The following PALLD variants were observed in gnomAD, a reference collection of about 807,000 sequenced individuals.
PALLD encodes palladin, cytoskeletal associated protein.
Under a neutral mutation model 123.5 loss-of-function variants are expected in PALLD, and 61 were observed. The ratio of observed to expected loss-of-function variants is 0.49; its 90% CI spans 0.40 to 0.61. The LOEUF (loss-of-function observed/expected upper bound fraction) is 0.61. PALLD is among the 20% of genes least tolerant of loss of function. The pLI is 0.00. For synonymous variants in PALLD, 465 were observed against 496.4 expected, an observed-to-expected ratio of 0.94 and a Z score of 0.84; for missense variants, 1,273 against 1,377.0, an observed-to-expected ratio of 0.92 and a Z score of 1.20.
intron 10 of PALLD, among the ~76,000 whole-genome samples, chr4:168,786,791 GA>G (rs1171089415): frequency 2.0e-4 from 31 of 152,068 alleles, no homozygotes; most frequent in Middle Eastern, 3.4e-3. Context: ...CAGCAACAAA[GA>G]AAAAAACTGG....
intron 10 of PALLD, among the ~76,000 whole-genome samples, chr4:168,816,942 C>T (rs908550000): frequency 1.3e-5 from 2 of 150,364 alleles, no homozygotes; most frequent in East Asian, 3.9e-4. Context: ...AATGTTTGAA[C>T]AAGACAAAGA....
chr4:168,896,636 CTCTGTG>C, intron 13 of PALLD, 37 bp downstream of exon 13: 1 of 1,208,510 alleles, frequency 8.3e-7, no homozygotes, highest in Middle Eastern at 1.9e-4. Flanking sequence ...TCCAGTCTTT[CTCTGTG>C]TCTGTTTTCT....
At chr4:168,614,535 T>A (rs1194670907) in intron 2 of PALLD, among the ~76,000 whole-genome samples, 3 of 151,416 alleles carry the variant, frequency 2.0e-5, no homozygotes, top group Non-Finnish European at 4.4e-5. Flanking sequence ...GGACTCTGAT[T>A]AAAAAAAAAT....
intron 10 of PALLD, among the ~76,000 whole-genome samples, chr4:168,802,568 C>T (rs183646865): frequency 7.9e-4 from 120 of 152,224 alleles, no homozygotes; most frequent in Middle Eastern, 3.4e-3. Context: ...ACACTGCAGA[C>T]GACTAGAGTT....
At chr4:168,818,044 T>G (rs186954452) in intron 10 of PALLD, among the ~76,000 whole-genome samples, 152 of 152,324 alleles carry the variant, frequency 1.0e-3, no homozygotes, top group African/African-American at 3.4e-3. Context: ...GATCTTACAA[T>G]GTAGTGTATT....
intron 10 of PALLD, among the ~76,000 whole-genome samples, chr4:168,834,151 GC>G (rs1744765949): frequency 6.6e-6 from 1 of 151,926 alleles, no homozygotes; most frequent in Non-Finnish European, 1.5e-5. Context: ...ACCATCTCTG[GC>G]TATGTGAAAA....
intron 2 of PALLD, among the ~76,000 whole-genome samples, chr4:168,529,829 AAG>A (rs2149478767): frequency 6.6e-6 from 1 of 152,348 alleles, no homozygotes; most frequent in East Asian, 1.9e-4. Context: ...TAAATACTTA[AAG>A]AAGTAATTGT....
chr4:168,769,112 C>CA (rs1469852124), intron 10 of PALLD, among the ~76,000 whole-genome samples: 22 of 152,348 alleles, frequency 1.4e-4, no homozygotes, highest in African/African-American at 5.3e-4. Context: ...CATGAGCCAC[C>CA]ACCCAGCCGG....
intron 10 of PALLD, chr4:168,877,997 TCGGGCCACGGCACGCCGGCCTCCAG>T: frequency 6.7e-7 from 1 of 1,499,180 alleles, no homozygotes; most frequent in Non-Finnish European, 8.8e-7. Flanking sequence ...CGGGCCCGCG[TCGGGCCACGGCACGCCGGCCTCCAG>T]CCCCAGCTCG....
chr4:168,549,412 G>A (rs959254741), intron 2 of PALLD, among the ~76,000 whole-genome samples: 2 of 151,756 alleles, frequency 1.3e-5, no homozygotes, highest in East Asian at 1.9e-4. Flanking sequence ...CTCAAGACAC[G>A]GTCTTAACAG....
At chr4:168,880,747 G>C (rs1194119642) in intron 10 of PALLD, among the ~76,000 whole-genome samples, 1 of 152,184 alleles carries the variant, frequency 6.6e-6, no homozygotes, top group African/African-American at 2.4e-5. Flanking sequence ...TCACTTATAA[G>C]TGTTATTTCT....
At position 168,625,328 on chromosome 4, in the gene PALLD, A is replaced by C. The variant is rs190648353; in HGVS notation, c.909-42862A>C. On this transcript the variant is annotated intron_variant, in intron 2 of 21. Coordinates refer to ENST00000505667, the MANE Select transcript of PALLD (RefSeq NM_001166108.2). ...ACAGGGTAAAAGATTATTATCATGA[A>C]GTGGTGGTGAAGCAAAGCACAGGCA... Among the ~76,000 whole-genome samples the C allele has an allele frequency of 2.6e-5, 4 of 152,050 alleles. No homozygotes were observed. The East Asian group carries it at 7.7e-4, about 29-fold the overall frequency.
intron 10 of PALLD, among the ~76,000 whole-genome samples, chr4:168,730,510 A>G (rs1407790409): frequency 6.6e-6 from 1 of 151,466 alleles, no homozygotes; most frequent in African/African-American, 2.4e-5. Context: ...CTGTGTGTGC[A>G]TTTGGACTAA....
intron 10 of PALLD, among the ~76,000 whole-genome samples, chr4:168,725,560 TC>T (rs1477477458): frequency 1.5e-5 from 2 of 135,202 alleles, no homozygotes; most frequent in Non-Finnish European, 3.1e-5. Context: ...GGAGTCTTGC[TC>T]TGTTGCCCAG....
At chr4:168,806,362 C>G (rs540006315) in intron 10 of PALLD, among the ~76,000 whole-genome samples, 5 of 152,190 alleles carry the variant, frequency 3.3e-5, no homozygotes, top group African/African-American at 1.2e-4. Flanking sequence ...GTGAGCCCAG[C>G]CAAGATCTCG....
chr4:168,797,987 G>A (rs1738764102), intron 10 of PALLD, among the ~76,000 whole-genome samples: 1 of 152,108 alleles, frequency 6.6e-6, no homozygotes, highest in African/African-American at 2.4e-5. Flanking sequence ...ATCAGAACCA[G>A]ACACTTTTGT....
intron 10 of PALLD, among the ~76,000 whole-genome samples, chr4:168,759,602 A>G (rs1732534077): frequency 6.6e-6 from 1 of 151,998 alleles, no homozygotes; most frequent in Admixed American, 6.6e-5. Flanking sequence ...GAAGAAGAAA[A>G]CCACAGGGAA....
intron 2 of PALLD, among the ~76,000 whole-genome samples, chr4:168,553,915 A>G (rs1767003410): frequency 6.6e-6 from 1 of 152,182 alleles, no homozygotes; most frequent in South Asian, 2.1e-4. Flanking sequence ...TTGCTGAATC[A>G]GGGAATTCTA....
At chr4:168,764,940 CTT>C (rs1407794588) in intron 10 of PALLD, among the ~76,000 whole-genome samples, 1 of 152,160 alleles carries the variant, frequency 6.6e-6, no homozygotes. Context: ...CATCGGATAA[CTT>C]TTTCTCATTT....
Sources: allele counts gnomAD v4.1 joint callset (sites outside exome capture counted in the v4.1 genomes callset), GRCh38; gene constraint gnomAD v4.1.1; transcripts MANE v1.5; gene names NCBI Gene and HGNC (gene_info 2026-07-23, HGNC 2026-07-21).